Variants in CNTNAP2 observed in about 807,000 individuals in gnomAD.
CNTNAP2 encodes the protein contactin-associated protein-like 2.
A neutral mutation model predicts 155.2 loss-of-function variants in CNTNAP2; 98 were observed. The observed-to-expected ratio is 0.63, with a 90% CI of 0.54 to 0.75. The LOEUF (loss-of-function observed/expected upper bound fraction) is 0.75. Ranked by LOEUF, CNTNAP2 falls within the 30% of genes least tolerant of loss-of-function variation. CNTNAP2 has a pLI of 0.00. For missense variants in CNTNAP2, 1,727 were observed against 1,688.1 expected (o/e 1.02, Z -0.40); for synonymous variants, 651 against 631.2 (o/e 1.03, Z -0.47).
intron 11 of CNTNAP2, among the ~76,000 whole-genome samples, chr7:147,540,318 G>A (rs1799616336): frequency 6.6e-6 from 1 of 151,812 alleles, no homozygotes. Context: ...CACTTCCCCT[G>A]GACTCTTCTG....
chr7:147,956,389 A>G (rs1313777720), intron 14 of CNTNAP2, among the ~76,000 whole-genome samples: 1 of 152,128 alleles, frequency 6.6e-6, no homozygotes, highest in Non-Finnish European at 1.5e-5. Context: ...GATGCAAAAT[A>G]GAAATTCTGG....
chr7:147,667,455 C>T (rs117760837), intron 13 of CNTNAP2, among the ~76,000 whole-genome samples: 4,464 of 152,168 alleles, frequency 0.029, 93 homozygotes, highest in Middle Eastern at 0.13. Flanking sequence ...GGCACAGTGA[C>T]GACCCCAGGG....
At chr7:146,734,701 A>C (rs930242465) in intron 1 of CNTNAP2, among the ~76,000 whole-genome samples, 1 of 152,232 alleles carries the variant, frequency 6.6e-6, no homozygotes, top group African/African-American at 2.4e-5. Flanking sequence ...ATATTTTTAA[A>C]TATTTGTGAT....
At chr7:147,006,387 CCTTTATACATGTAAATTTATTTT>C (rs1798524265) in intron 3 of CNTNAP2, among the ~76,000 whole-genome samples, 1 of 151,962 alleles carries the variant, frequency 6.6e-6, no homozygotes, top group South Asian at 2.1e-4. Flanking sequence ...ATAGAAATCT[CCTTTATACATGTAAATTTATTTT>C]ACAAAATGAA....
At chr7:147,372,007 C>G (rs1333185630) in intron 9 of CNTNAP2, among the ~76,000 whole-genome samples, 3 of 152,056 alleles carry the variant, frequency 2.0e-5, no homozygotes, top group Non-Finnish European at 4.4e-5. Context: ...GTAGCCACCA[C>G]AAAGGGCTGT....
At chr7:147,174,817 T>C (rs1330100260) in intron 8 of CNTNAP2, among the ~76,000 whole-genome samples, 1 of 152,142 alleles carries the variant, frequency 6.6e-6, no homozygotes, top group Non-Finnish European at 1.5e-5. Flanking sequence ...GCAAACACTA[T>C]ATATGCTGTA....
intron 9 of CNTNAP2, among the ~76,000 whole-genome samples, chr7:147,319,055 T>A (rs1795292982): frequency 6.6e-6 from 1 of 152,182 alleles, no homozygotes; most frequent in Admixed American, 6.5e-5. Flanking sequence ...AAATGTACAT[T>A]TGTTACTTAC....
At chr7:148,305,829 C>T (rs867298549) in intron 21 of CNTNAP2, among the ~76,000 whole-genome samples, 6 of 151,952 alleles carry the variant, frequency 3.9e-5, no homozygotes, top group African/African-American at 9.7e-5. Flanking sequence ...GTGAGATTTG[C>T]GGGGGGGACA....
chr7:146,466,205 T>C (rs770919282), intron 1 of CNTNAP2, among the ~76,000 whole-genome samples: 2 of 152,184 alleles, frequency 1.3e-5, no homozygotes, highest in Non-Finnish European at 2.9e-5. Context: ...CTTCCCTTTC[T>C]TTTTGGTAAA....
intron 8 of CNTNAP2, among the ~76,000 whole-genome samples, chr7:147,225,635 C>T (rs1803503657): frequency 1.3e-5 from 2 of 151,984 alleles, no homozygotes; most frequent in Non-Finnish European, 2.9e-5. Context: ...TAAAATGAAA[C>T]AGCATTAGGA....
intron 1 of CNTNAP2, among the ~76,000 whole-genome samples, chr7:146,410,552 G>A (rs2129110898): frequency 6.6e-6 from 1 of 152,044 alleles, no homozygotes; most frequent in East Asian, 1.9e-4. Flanking sequence ...TGTTATATAG[G>A]TAAACTTGTG....
rs1798040408 is a variant in CNTNAP2 at position 147,803,543 on chromosome 7, T to A, written c.2099-100022T>A. ...ACCAGTCATAGACTGGGAGATTTGCTGACCTTAGAGATAGTAATATATTTC... is the reference window on the plus strand; with the variant it reads ...ACCAGTCATAGACTGGGAGATTTGCAGACCTTAGAGATAGTAATATATTTC... On this transcript the variant is annotated intron_variant, in intron 13 of 23. Transcript: ENST00000361727. Among the ~76,000 whole-genome samples, 5 of 152,206 alleles carry A rather than the reference T, an allele frequency of 3.3e-5. No individual in the cohort carries two copies. In the South Asian group the frequency reaches 1.0e-3, roughly 31 times the overall value.
intron 1 of CNTNAP2, among the ~76,000 whole-genome samples, chr7:146,365,491 A>G (rs1584890959): frequency 1.3e-5 from 2 of 152,348 alleles, no homozygotes; most frequent in East Asian, 3.9e-4. Flanking sequence ...CATAAAGGAC[A>G]GATACATGTG....
chr7:147,228,854 T>G (rs1803610323), intron 8 of CNTNAP2, among the ~76,000 whole-genome samples: 1 of 151,620 alleles, frequency 6.6e-6, no homozygotes, highest in Admixed American at 6.6e-5. Context: ...CCCCTCCCTG[T>G]GTCCATGTGT....
chr7:146,975,193 G>A (rs112367645), intron 3 of CNTNAP2, among the ~76,000 whole-genome samples: 6,534 of 151,798 alleles, frequency 0.043, 205 homozygotes, highest in Non-Finnish European at 0.066. Flanking sequence ...GGCTGGGCGC[G>A]TTGGCTCATG....
At chr7:146,772,468 C>T (rs2129185535) in intron 1 of CNTNAP2, among the ~76,000 whole-genome samples, 1 of 144,112 alleles carries the variant, frequency 6.9e-6, no homozygotes, top group African/African-American at 2.7e-5. Context: ...ACCATCCTGG[C>T]TAACATGGTG....
rs910353749 is a variant in CNTNAP2 at position 147,770,431 on chromosome 7, A to G, written c.2098+131125A>G. On this transcript the variant is annotated intron_variant, in intron 13 of 23. Coordinates refer to ENST00000361727, the MANE Select transcript of CNTNAP2 (RefSeq NM_014141.6). Reference sequence around the variant, plus strand: ...ATAAACAAGGATTTTTAGTTTCCAAAGAAACTAAAAAAGTCATTATAGAAT... The same window carrying G: ...ATAAACAAGGATTTTTAGTTTCCAAGGAAACTAAAAAAGTCATTATAGAAT... Among the ~76,000 whole-genome samples, 5 of 152,354 alleles carry G rather than the reference A, an allele frequency of 3.3e-5. No homozygotes were observed. The East Asian group carries it at 9.6e-4, about 29-fold the overall frequency.
At chr7:147,718,837 C>T (rs1331068632) in intron 13 of CNTNAP2, among the ~76,000 whole-genome samples, 1 of 152,130 alleles carries the variant, frequency 6.6e-6, no homozygotes, top group Non-Finnish European at 1.5e-5. Flanking sequence ...TAATTACATA[C>T]ACATATGCTT....
At chr7:147,444,593 T>G (rs979925454) in intron 10 of CNTNAP2, among the ~76,000 whole-genome samples, 2 of 151,416 alleles carry the variant, frequency 1.3e-5, no homozygotes, top group African/African-American at 4.9e-5. Context: ...ACCACTAAAT[T>G]TTATTTTTTT....
Sources: allele counts gnomAD v4.1 joint callset (sites outside exome capture counted in the v4.1 genomes callset), GRCh38; gene constraint gnomAD v4.1.1; transcripts MANE v1.5; gene names NCBI Gene and HGNC (gene_info 2026-07-23, HGNC 2026-07-21).